The following SNAPC3 variants were observed in gnomAD, a reference collection of about 807,000 sequenced individuals.
SNAPC3 encodes snRNA-activating protein complex subunit 3.
A neutral mutation model predicts 47.7 loss-of-function variants in SNAPC3; 56 were observed. That is an observed-to-expected ratio of 1.18 (90% CI 0.95 to 1.47). The LOEUF (loss-of-function observed/expected upper bound fraction) is 1.47. Among genes scored for constraint, SNAPC3 ranks in the 40% most tolerant of loss-of-function variants. The pLI is 0.00. For synonymous variants in SNAPC3, 235 were observed against 189.9 expected, an observed-to-expected ratio of 1.24 and a Z score of -1.95; for missense variants, 665 against 511.3, an observed-to-expected ratio of 1.30 and a Z score of -2.90.
rs762397536 is a variant in SNAPC3 at position 15,423,972 on chromosome 9, C to G, written c.378C>G (p.Asp126Glu). ...CAGAAGTCATTCCGGAGAATACTGA[C>G]CTGGTGACTTTGGGGTATGGAGGAC... Reference protein sequence around the residue: ...EDPEVIPENTDLVTLGVRKRF... With the variant: ...EDPEVIPENTELVTLGVRKRF... The change falls in exon 2 of 9, where the codon GAC becomes GAG. Residue 126 changes from aspartate (D) to glutamate (E), a missense_variant. By Grantham distance (45) the Asp-to-Glu change is conservative. Coordinates refer to ENST00000380821, the MANE Select transcript of SNAPC3 (RefSeq NM_001039697.2). 15 of 1,575,508 alleles carry G rather than the reference C, an allele frequency of 9.5e-6. No individual in the cohort carries two copies. Among genetic ancestry groups the G allele is most frequent in the African/African-American group, 1.4e-5 (1 of 73,080 alleles).
intron 3 of SNAPC3, among the ~76,000 whole-genome samples, chr9:15,440,803 G>T (rs1027372434): frequency 1.3e-5 from 2 of 152,254 alleles, no homozygotes; most frequent in Admixed American, 1.3e-4. Context: ...CAAAAAATTA[G>T]CTGGGCGCGG....
At chr9:15,451,263 G>C in intron 5 of SNAPC3, 57 bp from the exon 6 acceptor site, 1 of 685,002 alleles carries the variant, frequency 1.5e-6, no homozygotes, top group Non-Finnish European at 2.5e-6. Context: ...AATACTTAGA[G>C]CAATTTCATC....
At chr9:15,436,820 G>GTTT (rs34768913) in intron 3 of SNAPC3, among the ~76,000 whole-genome samples, 2 of 84,656 alleles carry the variant, frequency 2.4e-5, no homozygotes, top group South Asian at 3.4e-4. Context: ...TCTTACAGCA[G>GTTT]TTTTTTTTTT....
At chr9:15,441,491 G>C (rs2033379327) in intron 3 of SNAPC3, among the ~76,000 whole-genome samples, 4 of 149,306 alleles carry the variant, frequency 2.7e-5, no homozygotes, top group Admixed American at 1.3e-4. Context: ...AAGGTCAGCA[G>C]ATAAACAAGT....
At chr9:15,465,841 C>CT, downstream of SNAPC3, 1 of 362,196 alleles carries the variant, frequency 2.8e-6, no homozygotes, top group Non-Finnish European at 4.9e-6. Context: ...GGACCAAGCC[C>CT]TTTCCATCAT....
intron 3 of SNAPC3, among the ~76,000 whole-genome samples, chr9:15,441,911 C>T (rs1479324500): frequency 6.6e-6 from 1 of 152,192 alleles, no homozygotes; most frequent in Non-Finnish European, 1.5e-5. Flanking sequence ...CTGTTGGGTA[C>T]ACCTCCCAGA....
At chr9:15,424,334 G>A (rs1009188628) in intron 2 of SNAPC3, among the ~76,000 whole-genome samples, 3 of 152,048 alleles carry the variant, frequency 2.0e-5, no homozygotes, top group Non-Finnish European at 4.4e-5. Context: ...ATTCAAACTT[G>A]TGTTTATTTT....
chr9:15,427,049 C>T (rs911490703), intron 2 of SNAPC3, among the ~76,000 whole-genome samples: 1 of 152,188 alleles, frequency 6.6e-6, no homozygotes, highest in Non-Finnish European at 1.5e-5. Flanking sequence ...ATAAGTACAT[C>T]ATTTCTTTAT....
intron 6 of SNAPC3, among the ~76,000 whole-genome samples, 163 bp from the exon 7 acceptor site, chr9:15,452,878 A>T (rs1483108624): frequency 1.3e-5 from 2 of 152,238 alleles, no homozygotes; most frequent in Non-Finnish European, 2.9e-5. Flanking sequence ...CAGCGTTCCT[A>T]ATCTCAACAT....
intron 7 of SNAPC3, among the ~76,000 whole-genome samples, chr9:15,454,224 T>A (rs1432084306): frequency 6.7e-6 from 1 of 149,034 alleles, no homozygotes; most frequent in Non-Finnish European, 1.5e-5. Context: ...AGTGAGACCT[T>A]GTCTCAAAAA....
chr9:15,455,536 C>T (rs1477596390), intron 7 of SNAPC3, among the ~76,000 whole-genome samples: 2 of 151,968 alleles, frequency 1.3e-5, no homozygotes, highest in Non-Finnish European at 2.9e-5. Flanking sequence ...CATTGCACTC[C>T]ATCCTGGGTG....
chr9:15,447,167 A>T lies in SNAPC3; in HGVS notation c.655A>T (p.Ile219Phe), dbSNP rs778098514. ...SQKLTQLRDS[I>F]RCVSDLQIGG... The stretch of plus-strand genomic sequence containing the variant: ...AAAACTCACACAACTGAGGGATTCA[A>T]TTCGATGTGTCAGTGACCTCCAGAT... The change falls in exon 5 of 9, where the codon ATT (isoleucine) becomes TTT (phenylalanine). Residue 219 changes from isoleucine to phenylalanine, a missense_variant. Physicochemically the swap from Ile to Phe is conservative, Grantham distance 21. Coordinates refer to ENST00000380821, the MANE Select transcript of SNAPC3 (RefSeq NM_001039697.2). 6.2e-7 allele frequency: 1 copy of T among 1,613,954 alleles called. No homozygotes were observed. The highest frequency in any genetic ancestry group is 1.1e-5 in the South Asian group (1 of 91,070).
At chr9:15,439,504 G>A (rs1347104798) in intron 3 of SNAPC3, among the ~76,000 whole-genome samples, 3 of 151,962 alleles carry the variant, frequency 2.0e-5, no homozygotes, top group Admixed American at 1.3e-4. Context: ...ACAAACACAT[G>A]CCAAAACATC....
downstream of SNAPC3, chr9:15,464,352 A>G (rs1055916005): frequency 4.1e-5 from 8 of 194,444 alleles, no homozygotes; most frequent in South Asian, 1.9e-4. Flanking sequence ...ATTTCAAAAC[A>G]TGAGAAGTAT....
chr9:15,436,171 A>T (rs528111683), intron 3 of SNAPC3, among the ~76,000 whole-genome samples: 1 of 152,278 alleles, frequency 6.6e-6, no homozygotes, highest in South Asian at 2.1e-4. Context: ...CTGTTGCTGG[A>T]TGTACAAAAG....
intron 5 of SNAPC3, among the ~76,000 whole-genome samples, chr9:15,448,998 C>T (rs150232676): frequency 1.4e-4 from 22 of 151,996 alleles, no homozygotes; most frequent in African/African-American, 4.1e-4. Flanking sequence ...TTAGTAGAAA[C>T]GGGGTTTCAC....
downstream of SNAPC3, chr9:15,463,906 C>T (rs200526042): frequency 2.2e-5 from 3 of 135,354 alleles, no homozygotes; most frequent in African/African-American, 9.7e-5. Flanking sequence ...TAAATATTAC[C>T]TTTATTTTTT....
chr9:15,452,480 G>T (rs900202601), intron 6 of SNAPC3, among the ~76,000 whole-genome samples: 1 of 152,012 alleles, frequency 6.6e-6, no homozygotes, highest in Non-Finnish European at 1.5e-5. Context: ...CACCACGCCC[G>T]GCTGATTTTG....
At chr9:15,454,312 C>A (rs1286259926) in intron 7 of SNAPC3, among the ~76,000 whole-genome samples, 1 of 152,054 alleles carries the variant, frequency 6.6e-6, no homozygotes, top group South Asian at 2.1e-4. Context: ...TGACTCTTCT[C>A]CAAAATTTTG....
Sources: gnomAD v4.1 joint callset for allele counts (sites outside exome capture counted in the v4.1 genomes callset) on GRCh38, gnomAD v4.1.1 for gene constraint, MANE v1.5 for transcripts, NCBI Gene and HGNC (gene_info 2026-07-23, HGNC 2026-07-21) for gene names.